RPH3A: variants seen among roughly 807,000 people sequenced by gnomAD.
RPH3A encodes rabphilin 3A.
A neutral mutation model predicts 102.2 loss-of-function variants in RPH3A; 48 were observed. The observed-to-expected ratio is 0.47, with a 90% CI of 0.37 to 0.60. The LOEUF is 0.60. Ranked by LOEUF, RPH3A falls within the 20% of genes least tolerant of loss-of-function variation. The pLI, the probability that RPH3A is intolerant of heterozygous loss-of-function variation, is 0.00. For missense variants in RPH3A, 781 were observed against 910.1 expected, an observed-to-expected ratio of 0.86 and a Z score of 1.83; for synonymous variants, 310 against 324.3, an observed-to-expected ratio of 0.96 and a Z score of 0.47.
At chr12:112,842,370 C>T (rs2042161221) in intron 4 of RPH3A, among the ~76,000 whole-genome samples, 1 of 152,116 alleles carries the variant, frequency 6.6e-6, no homozygotes, top group Non-Finnish European at 1.5e-5. Context: ...TCTAGTTGAC[C>T]CTCATATGAG....
intron 1 of RPH3A, among the ~76,000 whole-genome samples, chr12:112,669,176 G>A (rs939646870): frequency 1.3e-5 from 2 of 152,216 alleles, no homozygotes; most frequent in Admixed American, 1.3e-4. Context: ...GGCAGGGCTG[G>A]AGGAAGAGCT....
chr12:112,726,721 A>G (rs1391575205), intron 1 of RPH3A, among the ~76,000 whole-genome samples: 3 of 152,078 alleles, frequency 2.0e-5, no homozygotes, highest in African/African-American at 7.2e-5. Flanking sequence ...TGCATCTCTA[A>G]AATATAAAGG....
intron 3 of RPH3A, among the ~76,000 whole-genome samples, chr12:112,830,108 T>C (rs2041944732): frequency 1.3e-5 from 2 of 152,188 alleles, no homozygotes; most frequent in South Asian, 2.1e-4. Flanking sequence ...TTCTAAATAC[T>C]TGGGTTGTAT....
intron 3 of RPH3A, among the ~76,000 whole-genome samples, chr12:112,833,316 C>T (rs1395368604): frequency 6.6e-6 from 1 of 152,222 alleles, no homozygotes; most frequent in East Asian, 1.9e-4. Context: ...AAATCAGCCT[C>T]CATGGGGCTC....
intron 2 of RPH3A, among the ~76,000 whole-genome samples, chr12:112,793,896 C>T (rs568296857): frequency 6.6e-4 from 100 of 152,226 alleles, no homozygotes; most frequent in Non-Finnish European, 1.1e-3. Context: ...AAGAGAGCCA[C>T]GAGGCCTCAG....
chr12:112,699,964 A>G (rs1371063988), intron 1 of RPH3A, among the ~76,000 whole-genome samples: 1 of 152,214 alleles, frequency 6.6e-6, no homozygotes, highest in Non-Finnish European at 1.5e-5. Flanking sequence ...ACAGAAGAAG[A>G]GTTCAATAAA....
At chr12:112,813,401 T>C (rs2041615102) in intron 2 of RPH3A, 1 of 152,252 alleles carries the variant, frequency 6.6e-6, no homozygotes, top group African/African-American at 2.4e-5. Context: ...ATTTTCTGTT[T>C]CTTTACCCCA....
At chr12:112,736,860 G>T (rs2040673090) in intron 1 of RPH3A, among the ~76,000 whole-genome samples, 1 of 152,076 alleles carries the variant, frequency 6.6e-6, no homozygotes, top group African/African-American at 2.4e-5. Context: ...GCTACTTAAA[G>T]AAAAGTACTT....
chr12:112,603,658 C>T (rs2039573525), intron 1 of RPH3A, among the ~76,000 whole-genome samples: 1 of 152,184 alleles, frequency 6.6e-6, no homozygotes, highest in Non-Finnish European at 1.5e-5. Flanking sequence ...CTTTTGTTCT[C>T]AAGATATCGG....
intron 16 of RPH3A, among the ~76,000 whole-genome samples, chr12:112,884,497 A>G (rs1344014108): frequency 6.6e-6 from 1 of 152,204 alleles, no homozygotes; most frequent in Non-Finnish European, 1.5e-5. Flanking sequence ...AATGTTTACC[A>G]GTTTATTTAG....
rs116405551 is a variant in RPH3A, at chr12:112,667,652, G to T, written c.-140+92333G>T. On this transcript the variant is annotated intron_variant, in intron 1 of 21. Coordinates refer to the RPH3A transcript ENST00000543106. Reference sequence around the variant, plus strand: ...AAAGAGCTATCACCATTCATGGGCAGAGATGAATAAAGAGAGAGAGAGAGA... The same window carrying T: ...AAAGAGCTATCACCATTCATGGGCATAGATGAATAAAGAGAGAGAGAGAGA... 1.7e-3 allele frequency among the ~76,000 whole-genome samples: 237 copies of T among 140,102 alleles called. 1 individual carries two copies. The highest frequency in any genetic ancestry group is 5.6e-3 in the African/African-American group (208 of 37,234). The allele number at this position is 140,102 out of a possible 152,430, so 91.9% of individuals were successfully genotyped here. A position where few individuals can be genotyped will look rare whatever the true frequency, so the allele number is the denominator to read the frequency against.
At chr12:112,834,799 C>T (rs2042021979) in intron 3 of RPH3A, among the ~76,000 whole-genome samples, 1 of 152,048 alleles carries the variant, frequency 6.6e-6, no homozygotes, top group African/African-American at 2.4e-5. Context: ...AATTCATCTT[C>T]TTGTTATTAA....
At chr12:112,745,074 A>G (rs1026478416) in intron 1 of RPH3A, among the ~76,000 whole-genome samples, 2 of 152,094 alleles carry the variant, frequency 1.3e-5, no homozygotes, top group Admixed American at 6.6e-5. Flanking sequence ...TCTTCTTAAC[A>G]TTTCCTCTGG....
chr12:112,677,356 TCCCTCCCTCCCTCCTTCCCTTCCTCCC>T (rs2040183886), intron 1 of RPH3A, among the ~76,000 whole-genome samples: 5 of 21,886 alleles, frequency 2.3e-4, no homozygotes, highest in Non-Finnish European at 3.7e-4. Flanking sequence ...CCTTCCTCCC[TCCCTCCCTCCCTCCTTCCCTTCCTCCC>T]TCCCTCCCTC....
At chr12:112,760,151 G>A (rs1267689920) in intron 1 of RPH3A, among the ~76,000 whole-genome samples, 1 of 151,964 alleles carries the variant, frequency 6.6e-6, no homozygotes, top group African/African-American at 2.4e-5. Flanking sequence ...TTTAAGCGTG[G>A]GTATTCTCAT....
At chr12:112,863,251 T>A (rs2042551681) in intron 5 of RPH3A, among the ~76,000 whole-genome samples, 1 of 152,224 alleles carries the variant, frequency 6.6e-6, no homozygotes, top group South Asian at 2.1e-4. Flanking sequence ...GATCCCCGTG[T>A]CATCTGCGTG....
At chr12:112,822,167 G>A (rs1303815906) in intron 2 of RPH3A, among the ~76,000 whole-genome samples, 1 of 152,222 alleles carries the variant, frequency 6.6e-6, no homozygotes, top group Admixed American at 6.5e-5. Context: ...GAGACAAGGG[G>A]CAAGGAAAGA....
At chr12:112,736,865 G>T (rs982857475) in intron 1 of RPH3A, among the ~76,000 whole-genome samples, 1 of 152,070 alleles carries the variant, frequency 6.6e-6, no homozygotes, top group Admixed American at 6.6e-5. Context: ...TTAAAGAAAA[G>T]TACTTCTGGC....
intron 3 of RPH3A, among the ~76,000 whole-genome samples, chr12:112,831,008 C>A (rs944705196): frequency 6.6e-6 from 1 of 151,782 alleles, no homozygotes; most frequent in Non-Finnish European, 1.5e-5. Flanking sequence ...ATATTTCAGG[C>A]TTTTCTGGCC....
Sources: allele counts gnomAD v4.1 joint callset (sites outside exome capture counted in the v4.1 genomes callset), GRCh38; gene constraint gnomAD v4.1.1; transcripts MANE v1.5; gene names NCBI Gene and HGNC (gene_info 2026-07-23, HGNC 2026-07-21).